The following STAC variants were observed in gnomAD, a reference collection of about 807,000 sequenced individuals.
The protein encoded by STAC is SH3 and cysteine rich domain, also known as SH3 and cysteine-rich domain-containing protein.
Under a neutral mutation model 48.8 loss-of-function variants are expected in STAC, and 43 were observed. That is an observed-to-expected ratio of 0.88 (90% CI 0.69 to 1.14). The LOEUF (loss-of-function observed/expected upper bound fraction) is 1.14. Among genes scored for constraint, STAC ranks in the 50% most tolerant of loss-of-function variants. STAC has a pLI of 0.00. For missense variants in STAC, 497 were observed against 504.0 expected, an observed-to-expected ratio of 0.99 and a Z score of 0.13; for synonymous variants, 193 against 179.5, an observed-to-expected ratio of 1.07 and a Z score of -0.60.
In STAC at chr3:36,463,931, G is replaced by T. The variant is rs554494446; in HGVS notation, c.389-19061G>T. Reference sequence around the variant, plus strand: ...TCCAGTCTATCATTGTTGGACATTTGGGTTGGTTCCAAGTCTTTGCTATTG... The same window carrying T: ...TCCAGTCTATCATTGTTGGACATTTTGGTTGGTTCCAAGTCTTTGCTATTG... On this transcript the variant is annotated intron_variant, in intron 2 of 10. Transcript: ENST00000273183. 2.6e-5 allele frequency among the ~76,000 whole-genome samples: 4 copies of T among 152,098 alleles called. No homozygotes were observed. The South Asian group carries it at 8.3e-4, about 32-fold the overall frequency.
chr3:36,523,630 T>C (rs1212004623), intron 8 of STAC, among the ~76,000 whole-genome samples: 1 of 152,204 alleles, frequency 6.6e-6, no homozygotes, highest in Non-Finnish European at 1.5e-5. Context: ...AGAAGGACTT[T>C]TCTCAAATGT....
At chr3:36,532,881 T>C (rs983666816) in intron 10 of STAC, among the ~76,000 whole-genome samples, 1 of 152,220 alleles carries the variant, frequency 6.6e-6, no homozygotes, top group African/African-American at 2.4e-5. Context: ...TAGTCATTAT[T>C]TAAAGTCATA....
chr3:36,393,497 C>T (rs1575171448), intron 1 of STAC, among the ~76,000 whole-genome samples: 2 of 151,794 alleles, frequency 1.3e-5, no homozygotes, highest in African/African-American at 2.4e-5. Flanking sequence ...AGCTATTTTA[C>T]GTAGACTGAC....
intron 8 of STAC, among the ~76,000 whole-genome samples, chr3:36,520,703 T>A (rs1187215758): frequency 2.0e-5 from 3 of 152,200 alleles, no homozygotes; most frequent in Non-Finnish European, 2.9e-5. Flanking sequence ...GAGGAAAGTC[T>A]CTGATGCATA....
At chr3:36,469,758 A>AT (rs531197765) in intron 2 of STAC, among the ~76,000 whole-genome samples, 34 of 148,406 alleles carry the variant, frequency 2.3e-4, no homozygotes, top group African/African-American at 6.2e-4. Flanking sequence ...GTCTTTGTTC[A>AT]TTTTTTTTTT....
At chr3:36,485,983 C>T in intron 4 of STAC, 151 bp from the exon 5 acceptor site, 1 of 624,104 alleles carries the variant, frequency 1.6e-6, no homozygotes, top group East Asian at 2.7e-5. Flanking sequence ...CTGTGAGGAA[C>T]ACTTGGCCAT....
At chr3:36,514,005 C>T (rs1698605671) in intron 8 of STAC, among the ~76,000 whole-genome samples, 1 of 152,098 alleles carries the variant, frequency 6.6e-6, no homozygotes, top group South Asian at 2.1e-4. Flanking sequence ...GTTACCCTAA[C>T]CATCTGAGCT....
chr3:36,498,286 T>C (rs774480378), intron 6 of STAC, among the ~76,000 whole-genome samples: 1 of 152,186 alleles, frequency 6.6e-6, no homozygotes, highest in Non-Finnish European at 1.5e-5. Flanking sequence ...ATTTGATTGA[T>C]GGGTTTAACA....
At chr3:36,534,293 T>A (rs1401273724) in intron 10 of STAC, among the ~76,000 whole-genome samples, 1 of 152,190 alleles carries the variant, frequency 6.6e-6, no homozygotes, top group Admixed American at 6.6e-5. Context: ...CTTAGCACAG[T>A]GCCTGGCCAC....
intron 1 of STAC, among the ~76,000 whole-genome samples, chr3:36,422,261 GA>G (rs1700467711): frequency 6.6e-6 from 1 of 151,874 alleles, no homozygotes; most frequent in Admixed American, 6.6e-5. Flanking sequence ...CCAGGTCTAG[GA>G]AAAAAATTTT....
intron 8 of STAC, among the ~76,000 whole-genome samples, chr3:36,528,250 C>T (rs1057275284): frequency 6.6e-6 from 1 of 152,092 alleles, no homozygotes; most frequent in Non-Finnish European, 1.5e-5. Context: ...GCGGGCAGAT[C>T]GTGAGGTCAG....
chr3:36,536,355 G>A, intron 10 of STAC, among the ~76,000 whole-genome samples: 1 of 152,132 alleles, frequency 6.6e-6, no homozygotes, highest in Non-Finnish European at 1.5e-5. Flanking sequence ...ATACTACAAG[G>A]CTACAATAAC....
At chr3:36,473,213 GATT>G (rs1054132506) in intron 2 of STAC, among the ~76,000 whole-genome samples, 1 of 152,136 alleles carries the variant, frequency 6.6e-6, no homozygotes, top group Admixed American at 6.5e-5. Context: ...CCGGCTGCAT[GATT>G]CAATTACCTC....
intron 5 of STAC, among the ~76,000 whole-genome samples, chr3:36,487,434 A>G (rs1697843274): frequency 6.6e-6 from 1 of 152,198 alleles, no homozygotes; most frequent in African/African-American, 2.4e-5. Flanking sequence ...AACTAAAAAT[A>G]ATTTTTACTC....
At chr3:36,440,953 A>G (rs1037356077) in intron 1 of STAC, among the ~76,000 whole-genome samples, 7 of 152,138 alleles carry the variant, frequency 4.6e-5, no homozygotes, top group African/African-American at 1.7e-4. Context: ...TACTTTTATG[A>G]TTTTATTTTT....
chr3:36,489,780 TG>T (rs1697917599), intron 5 of STAC, among the ~76,000 whole-genome samples: 1 of 152,210 alleles, frequency 6.6e-6, no homozygotes, highest in South Asian at 2.1e-4. Context: ...AATACATATG[TG>T]GTGAGTGCAC....
intron 1 of STAC, among the ~76,000 whole-genome samples, chr3:36,434,129 T>A (rs910622328): frequency 1.3e-5 from 2 of 152,170 alleles, no homozygotes; most frequent in Non-Finnish European, 2.9e-5. Flanking sequence ...ATGTGGAAAG[T>A]GCTTTGACAA....
intron 1 of STAC, among the ~76,000 whole-genome samples, chr3:36,402,308 G>T: frequency 6.6e-6 from 1 of 151,822 alleles, no homozygotes; most frequent in East Asian, 1.9e-4. Flanking sequence ...GAAGAAGGAA[G>T]GAAGGGAAAA....
intron 2 of STAC, among the ~76,000 whole-genome samples, chr3:36,451,497 A>T (rs547131578): frequency 6.6e-6 from 1 of 152,316 alleles, no homozygotes; most frequent in Admixed American, 6.5e-5. Flanking sequence ...AGATATATAC[A>T]AATTTTATAA....
Sources: gnomAD v4.1 joint callset for allele counts (sites outside exome capture counted in the v4.1 genomes callset) on GRCh38, gnomAD v4.1.1 for gene constraint, MANE v1.5 for transcripts, NCBI Gene and HGNC (gene_info 2026-07-23, HGNC 2026-07-21) for gene names.